USP43: variants seen among roughly 807,000 people sequenced by gnomAD.
USP43 encodes ubiquitin specific peptidase 43, also known as ubiquitin carboxyl-terminal hydrolase 43.
In USP43, 33 loss-of-function variants were observed where a neutral mutation model predicts 90.7. The observed-to-expected ratio is 0.36, with a 90% CI of 0.28 to 0.49. The LOEUF (loss-of-function observed/expected upper bound fraction) is 0.49, where lower values mean the gene tolerates loss of function less well. Ranked by LOEUF, USP43 falls within the 20% of genes least tolerant of loss-of-function variation. USP43 has a pLI of 0.98. For missense variants in USP43, 1,274 were observed against 1,476.4 expected (o/e 0.86, Z 2.25); for synonymous variants, 598 against 615.8 (o/e 0.97, Z 0.43).
At chr17:9,684,903 G>A (rs769220042) in intron 7 of USP43, among the ~76,000 whole-genome samples, 2 of 152,156 alleles carry the variant, frequency 1.3e-5, no homozygotes, top group Non-Finnish European at 2.9e-5. Context: ...GCCAGAGTCC[G>A]GGGAATCAGG....
rs551448237 is a variant in USP43, at chr17:9,686,336, T to A, written c.1242-462T>A. On this transcript the variant is annotated intron_variant, in intron 7 of 14. Transcript: ENST00000285199. The surrounding 1 kb of genome is among the most constrained non-coding windows in gnomAD (Gnocchi z 5.5). ...TTTCCTTTGGATAAATACCCAGTAG[T>A]GGGATGGCTGGGTCACATGGTGGTT... 1.2e-4 allele frequency among the ~76,000 whole-genome samples: 18 copies of A among 152,300 alleles called. No homozygotes were observed. The highest frequency in any genetic ancestry group is 4.3e-4 in the African/African-American group (18 of 41,566).
Position 9,710,124 on chromosome 17 carries a change from G to A in USP43, c.2170+10G>A. ...AGCAGCTCCATGAGAGGTAGGTGCT[G>A]CTGCTCATGACAGGAGGGGGGTGTG... On this transcript the variant is annotated intron_variant, in intron 13 of 14. Transcript: ENST00000285199. 1 of 1,492,386 alleles carries A rather than the reference G, an allele frequency of 6.7e-7. No individual in the cohort carries two copies. Among genetic ancestry groups the A allele is most frequent in the Non-Finnish European group, 8.9e-7 (1 of 1,119,434 alleles). 92.4% of individuals were successfully genotyped at this position (1,492,386 alleles called of 1,614,324 possible). A position where few individuals can be genotyped will look rare whatever the true frequency, so the allele number is the denominator to read the frequency against.
In USP43 at chr17:9,657,469, C is replaced by T. The variant is rs542259267; in HGVS notation, c.636+935C>T. Among the ~76,000 whole-genome samples, 214 of 150,766 alleles carry T rather than the reference C, an allele frequency of 1.4e-3. 3 individuals are homozygous for T. Among genetic ancestry groups the T allele is most frequent in the South Asian group, 5.9e-3 (28 of 4,732 alleles). ...GAGCTGAGAACGCACCGTTGCACTC[C>T]AGCCTGGGTGACATAGTGAAACTCC... On this transcript the variant is annotated intron_variant, in intron 2 of 14. Coordinates refer to ENST00000285199, the MANE Select transcript of USP43 (RefSeq NM_153210.5).
chr17:9,668,643 G>A (rs1409313349), intron 3 of USP43, among the ~76,000 whole-genome samples: 1 of 152,148 alleles, frequency 6.6e-6, no homozygotes, highest in African/African-American at 2.4e-5. Flanking sequence ...CTTGCTTGAG[G>A]TTGTTTAGTA....
chr17:9,724,703 A>G (rs1343197258), intron 14 of USP43, among the ~76,000 whole-genome samples: 1 of 152,212 alleles, frequency 6.6e-6, no homozygotes, highest in African/African-American at 2.4e-5. Context: ...AAAGAAAAGA[A>G]GCATTGTATG....
rs1006072697 is a variant in USP43 at position 9,655,206 on chromosome 17, G to A, written c.505-1197G>A. Among the ~76,000 whole-genome samples the A allele has an allele frequency of 6.0e-5, 9 of 150,670 alleles. No homozygotes were observed. In the South Asian group the frequency reaches 1.7e-3, roughly 28 times the overall value. ...CTTTGGCAGGCATGAACAGAGAACA[G>A]ACCTGTGTGGGACGAGACTGGAGAC... On this transcript the variant is annotated intron_variant, in intron 1 of 14. Transcript: ENST00000285199.
chr17:9,666,816 A>C, intron 3 of USP43, 65 bp downstream of exon 3: 1 of 1,286,838 alleles, frequency 7.8e-7, no homozygotes, highest in Non-Finnish European at 1.1e-6. Flanking sequence ...CCTGGTAACC[A>C]GTCTCCCATT....
In USP43 at chr17:9,728,858, G is replaced by A. The variant is rs767822568; in HGVS notation, c.3240G>A (p.Pro1080=). Reference sequence around the variant, plus strand: ...TCCCTCGTAAAGCCAGCAGGGCCCCGAGAGGCAGTGCACTGGGCATGTCAC... The same window carrying A: ...TCCCTCGTAAAGCCAGCAGGGCCCCAAGAGGCAGTGCACTGGGCATGTCAC... The part of the protein sequence containing the change: ...LRLPRKASRA[P]RGSALGMSQR... Residue 1080 remains proline, a synonymous_variant, in exon 15 of 15, where the codon CCG becomes CCA. Transcript: ENST00000285199. The surrounding 1 kb of genome is among the most constrained non-coding windows in gnomAD (Gnocchi z 6.2). The A allele has an allele frequency of 9.3e-6, 15 of 1,613,834 alleles. No homozygotes were observed. The highest frequency in any genetic ancestry group is 6.7e-5 in the African/African-American group (5 of 74,922).
chr17:9,671,299 T>TGC (rs533988448), intron 3 of USP43, among the ~76,000 whole-genome samples: 1,787 of 151,254 alleles, frequency 0.012, 38 homozygotes, highest in African/African-American at 0.041. Context: ...TGTGTGTGTG[T>TGC]GCACAAATTC....
At chr17:9,717,360 A>T (rs1916641176) in intron 14 of USP43, among the ~76,000 whole-genome samples, 2 of 145,570 alleles carry the variant, frequency 1.4e-5, no homozygotes, top group South Asian at 2.2e-4. Context: ...GCTTGGGCAC[A>T]GTGTGTGTGT....
chr17:9,697,084 G>A (rs1398165350), intron 9 of USP43, among the ~76,000 whole-genome samples: 3 of 152,194 alleles, frequency 2.0e-5, no homozygotes, highest in African/African-American at 4.8e-5. Context: ...AGGCATGGTG[G>A]CACACACCTG....
At chr17:9,715,841 C>T (rs368565572) in intron 14 of USP43, among the ~76,000 whole-genome samples, 232 of 139,250 alleles carry the variant, frequency 1.7e-3, no homozygotes, top group African/African-American at 5.8e-3. Context: ...GTGTATGTAT[C>T]TGTGTATATG....
At position 9,720,718 on chromosome 17, in the gene USP43, C is replaced by T. The variant is rs574177250; in HGVS notation, c.2336-7236C>T. 9.2e-5 allele frequency among the ~76,000 whole-genome samples: 14 copies of T among 152,230 alleles called. No individual in the cohort carries two copies. The South Asian group carries it at 2.7e-3, about 29-fold the overall frequency. ...GGTCAGGCTGGTCTTGAACTCCCGA[C>T]CTCAGGTGATCTGCCCACCTCGGCC... On this transcript the variant is annotated intron_variant, in intron 14 of 14. Coordinates refer to ENST00000285199, the MANE Select transcript of USP43 (RefSeq NM_153210.5).
chr17:9,675,566 A>G (rs1913713904), intron 4 of USP43, among the ~76,000 whole-genome samples: 1 of 152,100 alleles, frequency 6.6e-6, no homozygotes, highest in East Asian at 1.9e-4. Context: ...GTGAGCTCCT[A>G]TGTGGGGTGT....
intron 8 of USP43, among the ~76,000 whole-genome samples, chr17:9,691,820 G>A (rs561921109): frequency 2.0e-4 from 30 of 151,894 alleles, no homozygotes; most frequent in Middle Eastern, 3.4e-3. Flanking sequence ...AGGCCAAGGC[G>A]GATGAGGTCA....
At position 9,701,776 on chromosome 17, in the gene USP43, A is replaced by C; in HGVS notation, c.2011+76A>C. 1 of 1,303,586 alleles carries C rather than the reference A, an allele frequency of 7.7e-7. No homozygotes were observed. Among genetic ancestry groups the C allele is most frequent in the Non-Finnish European group, 1.0e-6 (1 of 966,724 alleles). 80.8% of individuals were successfully genotyped at this position (1,303,586 alleles called of 1,614,324 possible). A position where few individuals can be genotyped will look rare whatever the true frequency, so the allele number is the denominator to read the frequency against. ...GATGTCCCTGGAATGGGTGTTGCTC[A>C]GATGCTGAGCTCCCTGGGGCACTTA... On this transcript the variant is annotated intron_variant, in intron 12 of 14. Coordinates refer to ENST00000285199, the MANE Select transcript of USP43 (RefSeq NM_153210.5). The surrounding 1 kb of genome is among the most constrained non-coding windows in gnomAD (Gnocchi z 7.2).
At chr17:9,712,440 T>C (rs1297087371) in intron 14 of USP43, among the ~76,000 whole-genome samples, 1 of 152,104 alleles carries the variant, frequency 6.6e-6, no homozygotes, top group Non-Finnish European at 1.5e-5. Context: ...AAGAGGGTAT[T>C]CAGGCCCGGG....
chr17:9,679,861 T>A (rs973069786), intron 5 of USP43, among the ~76,000 whole-genome samples: 9 of 152,000 alleles, frequency 5.9e-5, no homozygotes, highest in African/African-American at 9.7e-5. Context: ...TTGGTAAAAA[T>A]TTTTTTTATG....
intron 5 of USP43, among the ~76,000 whole-genome samples, chr17:9,678,724 C>G (rs1913961906): frequency 6.6e-6 from 1 of 151,162 alleles, no homozygotes. Context: ...ACCGCCCCTC[C>G]CCCCCCATTT....
Sources: allele counts gnomAD v4.1 joint callset (sites outside exome capture counted in the v4.1 genomes callset), GRCh38; gene constraint gnomAD v4.1.1; non-coding constraint Gnocchi (gnomAD v3.1); transcripts MANE v1.5; gene names NCBI Gene and HGNC (gene_info 2026-07-23, HGNC 2026-07-21).